Variants in SP110 observed in about 807,000 individuals in gnomAD.
SP110 encodes the protein interferon-induced protein 41, 30kD.
SP110 carries 62 observed loss-of-function variants against 92.7 expected under a neutral mutation model. The observed-to-expected ratio is 0.67, with a 90% CI of 0.55 to 0.83. The LOEUF is 0.83. SP110 is among the 40% of genes least tolerant of loss of function. The pLI, the probability that SP110 is intolerant of heterozygous loss-of-function variation, is 0.00. For synonymous variants in SP110, 273 were observed against 305.3 expected (o/e 0.89, Z 1.10); for missense variants, 793 against 863.9 (o/e 0.92, Z 1.03).
At chr2:230,183,667 T>G in intron 11 of SP110, 27 bp from the exon 12 acceptor site, 3 of 1,295,052 alleles carry the variant, frequency 2.3e-6, no homozygotes, top group Non-Finnish European at 3.4e-6. Flanking sequence ...TAATCACTTA[T>G]AGCTACAAAC....
At chr2:230,197,987 G>A (rs917821674) in intron 10 of SP110, among the ~76,000 whole-genome samples, 2 of 152,150 alleles carry the variant, frequency 1.3e-5, no homozygotes, top group Non-Finnish European at 2.9e-5. Context: ...ATTTTATTAG[G>A]AATATTGTAT....
upstream of SP110, among the ~76,000 whole-genome samples, chr2:230,221,288 A>G (rs1474488763): frequency 6.6e-6 from 1 of 152,050 alleles, no homozygotes; most frequent in Non-Finnish European, 1.5e-5. Context: ...CTCGAAAAAA[A>G]AAAAAAAAAA....
chr2:230,191,621 T>A (rs1045993593), intron 10 of SP110, among the ~76,000 whole-genome samples: 9 of 152,116 alleles, frequency 5.9e-5, no homozygotes, highest in Non-Finnish European at 1.2e-4. Flanking sequence ...TAACAAGCTC[T>A]GAAATTGAGG....
Position 230,216,868 on chromosome 2 carries a change from C to T in SP110, c.60G>A (p.Lys20=). ...EALFQHFMHQ[K]LGIAYAIHKP... ...TGTGTATGGCATAGGCGATCCCCAG[C>T]TTCTGGTGCATGAAGTGCTGAAAAA... The change falls in exon 2 of 19, where the codon AAG becomes AAA. Residue 20 remains lysine (K), a synonymous_variant. Coordinates refer to ENST00000258381, the MANE Select transcript of SP110 (RefSeq NM_080424.4). The T allele has an allele frequency of 6.2e-7, 1 of 1,614,068 alleles. No individual in the cohort carries two copies. Among genetic ancestry groups the T allele is most frequent in the South Asian group, 1.1e-5 (1 of 91,076 alleles).
At chr2:230,183,783 T>C in intron 11 of SP110, 143 bp from the exon 12 acceptor site, 1 of 675,460 alleles carries the variant, frequency 1.5e-6, no homozygotes, top group East Asian at 2.6e-5. Context: ...AAGGACTTCC[T>C]TGTAGCATTG....
upstream of SP110, among the ~76,000 whole-genome samples, chr2:230,221,351 C>T (rs549224035): frequency 6.6e-6 from 1 of 151,678 alleles, no homozygotes; most frequent in East Asian, 1.9e-4. Context: ...ATTTGACCCA[C>T]AAGTTCCCCT....
chr2:230,199,148 ATTT>A (rs113583785), intron 10 of SP110, among the ~76,000 whole-genome samples: 73 of 139,090 alleles, frequency 5.2e-4, no homozygotes, highest in South Asian at 2.2e-3. Flanking sequence ...TATTATTATT[ATTT>A]TTTTTTTTTT....
chr2:230,209,853 GACAAGAT>G, intron 7 of SP110, 71 bp downstream of exon 7: 1 of 868,066 alleles, frequency 1.2e-6, no homozygotes, highest in Non-Finnish European at 2.0e-6. Flanking sequence ...TGGTGCTCTT[GACAAGAT>G]ACAGTCAGAA....
chr2:230,220,108 C>T, upstream of SP110: 1 of 983,608 alleles, frequency 1.0e-6, no homozygotes, highest in Non-Finnish European at 1.2e-6. Flanking sequence ...TCCTCATGGG[C>T]ACTTGTGAGG....
chr2:230,184,724 T>C (rs1040770119), intron 11 of SP110, among the ~76,000 whole-genome samples: 5 of 151,906 alleles, frequency 3.3e-5, no homozygotes, highest in Admixed American at 1.3e-4. Flanking sequence ...GCCAGTCTTA[T>C]AGAAAAATGG....
chr2:230,177,181 G>A (rs2041901749), intron 14 of SP110, among the ~76,000 whole-genome samples: 1 of 152,184 alleles, frequency 6.6e-6, no homozygotes, highest in South Asian at 2.1e-4. Context: ...AAATGCTGCA[G>A]GGGGGCCAGA....
chr2:230,195,179 T>A (rs1264841043), intron 10 of SP110, among the ~76,000 whole-genome samples: 1 of 152,180 alleles, frequency 6.6e-6, no homozygotes, highest in African/African-American at 2.4e-5. Context: ...CATTACTTTT[T>A]TAAGTAATTT....
At chr2:230,173,040 A>C (rs2078490997) in intron 14 of SP110, 81 bp from the exon 15 acceptor site, 1 of 950,678 alleles carries the variant, frequency 1.1e-6, no homozygotes, top group South Asian at 1.4e-5. Context: ...AGAACACATC[A>C]TTTTTGTGTG....
rs890522696 is a variant in SP110, at chr2:230,172,316, A to G, written c.1707-142T>C. 4.2e-4 allele frequency: 304 copies of G among 720,414 alleles called. 1 individual carries two copies. The highest frequency in any genetic ancestry group is 2.3e-4 in the Non-Finnish European group (90 of 390,566). 44.6% of individuals were successfully genotyped at this position (720,414 alleles called of 1,614,324 possible). A position where few individuals can be genotyped will look rare whatever the true frequency, so the allele number is the denominator to read the frequency against. On this transcript the variant is annotated intron_variant, in intron 15 of 18. Transcript: ENST00000258381. Reference sequence around the variant, plus strand: ...CTCCCAGAGTGTCCAAGATCCCCACATGGGGTCTCCAGCATTGGCCCTTCC... The same window carrying G: ...CTCCCAGAGTGTCCAAGATCCCCACGTGGGGTCTCCAGCATTGGCCCTTCC...
rs978837440 is a variant in SP110, at chr2:230,172,062, T to A, written c.1815+4A>T. ...TATAGGTTTGGGGTTTGCATCCAAC[T>A]CACCAGCTGGTCCTGAGGCTGCATC... On this transcript the variant is annotated splice_donor_region_variant and intron_variant, in intron 16 of 18. Coordinates refer to ENST00000258381, the MANE Select transcript of SP110 (RefSeq NM_080424.4). 1.3e-6 allele frequency: 2 copies of A among 1,572,088 alleles called. No individual in the cohort carries two copies. The highest frequency in any genetic ancestry group is 1.8e-6 in the Non-Finnish European group (2 of 1,141,498).
At chr2:230,199,906 G>A (rs1395902724) in intron 10 of SP110, among the ~76,000 whole-genome samples, 1 of 152,120 alleles carries the variant, frequency 6.6e-6, no homozygotes, top group Non-Finnish European at 1.5e-5. Flanking sequence ...AGTTCCTGGG[G>A]ACCAGGTTGT....
At chr2:230,178,473 C>A (rs891597894) in intron 12 of SP110, among the ~76,000 whole-genome samples, 6 of 138,782 alleles carry the variant, frequency 4.3e-5, no homozygotes, top group Admixed American at 3.6e-4. Context: ...AAAAAAAAAA[C>A]ATTTTAGTGG....
At chr2:230,178,113 CCTT>C (rs758871109) in intron 13 of SP110, 41 bp downstream of exon 13, 9 of 1,191,992 alleles carry the variant, frequency 7.6e-6, no homozygotes, top group Non-Finnish European at 1.1e-5. Context: ...TCTAGTGAGT[CCTT>C]CATCTAGGGA....
upstream of SP110, among the ~76,000 whole-genome samples, chr2:230,222,229 CAAA>C (rs1204772131): frequency 7.8e-5 from 6 of 77,264 alleles, no homozygotes; most frequent in Admixed American, 1.4e-4. Context: ...GATCCCGCCT[CAAA>C]AAAAAAAAAA....
Sources: allele counts gnomAD v4.1 joint callset (sites outside exome capture counted in the v4.1 genomes callset), GRCh38; gene constraint gnomAD v4.1.1; transcripts MANE v1.5; gene names NCBI Gene and HGNC (gene_info 2026-07-23, HGNC 2026-07-21).